Variants in EDIL3 observed in about 807,000 individuals in gnomAD.
The protein encoded by EDIL3 is EGF like and discoidin domains 3, also known as EGF-like repeat and discoidin I-like domain-containing protein 3.
In EDIL3, 37 loss-of-function variants were observed where a neutral mutation model predicts 67.4. That is an observed-to-expected ratio of 0.55 (90% CI 0.42 to 0.72). The LOEUF (loss-of-function observed/expected upper bound fraction) is 0.72, where lower values mean the gene tolerates loss of function less well. Ranked by LOEUF, EDIL3 falls within the 30% of genes least tolerant of loss-of-function variation. The probability of loss-of-function intolerance (pLI) is 0.00; values close to 1 mark genes in which losing one functional copy is unlikely to be tolerated. For synonymous variants in EDIL3, 195 were observed against 196.3 expected, an observed-to-expected ratio of 0.99 and a Z score of 0.05; for missense variants, 527 against 586.3, an observed-to-expected ratio of 0.90 and a Z score of 1.04.
chr5:84,351,913 A>G (rs1020738456), intron 1 of EDIL3, among the ~76,000 whole-genome samples: 5 of 152,078 alleles, frequency 3.3e-5, no homozygotes, highest in Non-Finnish European at 7.4e-5. Context: ...GACATCCAGA[A>G]TATATAAAGA....
At chr5:84,170,090 C>T (rs1330875371) in intron 4 of EDIL3, among the ~76,000 whole-genome samples, 2 of 152,198 alleles carry the variant, frequency 1.3e-5, no homozygotes, top group African/African-American at 4.8e-5. Context: ...TATAAGTGAG[C>T]TTCAGATCCT....
At chr5:83,944,034 A>T (rs938863435) in intron 10 of EDIL3, among the ~76,000 whole-genome samples, 1 of 151,974 alleles carries the variant, frequency 6.6e-6, no homozygotes, top group Non-Finnish European at 1.5e-5. Flanking sequence ...TGTTTAAGAG[A>T]ACAAGCATGG....
intron 7 of EDIL3, among the ~76,000 whole-genome samples, chr5:84,065,959 C>CA (rs1157337551): frequency 1.3e-5 from 2 of 151,368 alleles, no homozygotes; most frequent in Non-Finnish European, 1.5e-5. Flanking sequence ...ACTAAAAATA[C>CA]AAAAAATTAG....
rs1366102766 is a variant in EDIL3, at chr5:84,132,345, ATT to A, written c.469+4894_469+4895del. Among the ~76,000 whole-genome samples, 2 of 52,500 alleles carry A rather than the reference ATT, an allele frequency of 3.8e-5. 1 individual carries two copies. Among genetic ancestry groups the A allele is most frequent in the Non-Finnish European group, 7.4e-5 (2 of 26,994 alleles). The allele number at this position is 52,500 out of a possible 152,430, so 34.4% of individuals were successfully genotyped here. On this transcript the variant is annotated intron_variant, in intron 5 of 10. Coordinates refer to ENST00000296591, the MANE Select transcript of EDIL3 (RefSeq NM_005711.5). ...ATTTTATATAATATATATTATATAT[ATT>A]TTATACATAATATATATTATATATA...
intron 1 of EDIL3, among the ~76,000 whole-genome samples, chr5:84,308,881 C>A (rs929640006): frequency 5.3e-5 from 8 of 152,152 alleles, no homozygotes; most frequent in Admixed American, 3.3e-4. Flanking sequence ...TTTAATGCAA[C>A]CTTATGATCA....
At chr5:84,150,752 G>C (rs117983355) in intron 4 of EDIL3, among the ~76,000 whole-genome samples, 1 of 152,130 alleles carries the variant, frequency 6.6e-6, no homozygotes, top group Non-Finnish European at 1.5e-5. Flanking sequence ...TCTACCATAT[G>C]ATTCAGCCAT....
At chr5:84,300,257 C>T (rs901049231) in intron 1 of EDIL3, among the ~76,000 whole-genome samples, 1 of 152,080 alleles carries the variant, frequency 6.6e-6, no homozygotes, top group East Asian at 1.9e-4. Context: ...GACTATTCTC[C>T]CATAATCACA....
chr5:84,104,894 T>C (rs1561432806), intron 6 of EDIL3, among the ~76,000 whole-genome samples: 1 of 152,012 alleles, frequency 6.6e-6, no homozygotes, highest in Admixed American at 6.6e-5. Flanking sequence ...GAGTAAACAC[T>C]GGAAAAGCAT....
intron 5 of EDIL3, among the ~76,000 whole-genome samples, chr5:84,109,419 T>C (rs1469556941): frequency 6.6e-6 from 1 of 152,046 alleles, no homozygotes; most frequent in African/African-American, 2.4e-5. Context: ...GGCAGGAGAA[T>C]CACTTGAAGC....
intron 10 of EDIL3, among the ~76,000 whole-genome samples, chr5:83,954,209 TAAAC>T (rs1744468729): frequency 1.3e-5 from 2 of 151,846 alleles, no homozygotes; most frequent in African/African-American, 4.8e-5. Flanking sequence ...TATCATATAA[TAAAC>T]AATCAAAATA....
rs1748106182 is a variant in EDIL3, at chr5:84,137,175, G to GTGTA, written c.469+62_469+65dup. On this transcript the variant is annotated intron_variant, in intron 5 of 10. Transcript: ENST00000296591. ...TATATATGCATACATATATGTGTGT[G>GTGTA]TGTATACATACACACACACACACAC... The GTGTA allele has an allele frequency of 2.8e-6, 3 of 1,066,440 alleles. No individual in the cohort carries two copies. In the Admixed American group the frequency reaches 7.6e-5, roughly 27 times the overall value. The allele number at this position is 1,066,440 out of a possible 1,614,324, so 66.1% of individuals were successfully genotyped here. A position where few individuals can be genotyped will look rare whatever the true frequency, so the allele number is the denominator to read the frequency against.
intron 10 of EDIL3, among the ~76,000 whole-genome samples, chr5:83,950,057 T>G (rs1744391041): frequency 6.6e-6 from 1 of 151,776 alleles, no homozygotes. Context: ...GCTTCCTAGT[T>G]GGCAATACTC....
intron 1 of EDIL3, among the ~76,000 whole-genome samples, chr5:84,309,644 T>G (rs1277254718): frequency 6.6e-6 from 1 of 152,170 alleles, no homozygotes; most frequent in Non-Finnish European, 1.5e-5. Context: ...ATTTCCACTT[T>G]CATCCATGTC....
At chr5:84,094,321 T>C (rs145488475) in intron 6 of EDIL3, among the ~76,000 whole-genome samples, 1,536 of 152,216 alleles carry the variant, frequency 0.01, 29 homozygotes, top group African/African-American at 0.036. Context: ...AAAAGAAATA[T>C]ATTAATGTCC....
At chr5:83,971,330 T>C (rs950367331) in intron 9 of EDIL3, among the ~76,000 whole-genome samples, 1 of 150,806 alleles carries the variant, frequency 6.6e-6, no homozygotes, top group African/African-American at 2.4e-5. Context: ...CAAGTTAGAG[T>C]GAAGTGCATG....
At chr5:84,021,502 T>C (rs1014296181) in intron 9 of EDIL3, among the ~76,000 whole-genome samples, 2 of 152,024 alleles carry the variant, frequency 1.3e-5, no homozygotes, top group African/African-American at 4.8e-5. Flanking sequence ...TCCATGTATA[T>C]ATAGTTTCCA....
At chr5:83,988,896 C>T (rs989998371) in intron 9 of EDIL3, among the ~76,000 whole-genome samples, 1 of 152,064 alleles carries the variant, frequency 6.6e-6, no homozygotes, top group Non-Finnish European at 1.5e-5. Flanking sequence ...ATAAGGATAA[C>T]ATTTCTCAGT....
intron 3 of EDIL3, among the ~76,000 whole-genome samples, chr5:84,197,932 T>C (rs1743746605): frequency 6.6e-6 from 1 of 152,020 alleles, no homozygotes; most frequent in Admixed American, 6.6e-5. Flanking sequence ...AGCTACTTGA[T>C]GGAATTACTG....
chr5:84,085,565 G>A (rs1747054497), intron 6 of EDIL3, among the ~76,000 whole-genome samples: 1 of 152,082 alleles, frequency 6.6e-6, no homozygotes, highest in Non-Finnish European at 1.5e-5. Context: ...GTCCCAGAGG[G>A]GCACCAACCT....
Sources: allele counts gnomAD v4.1 joint callset (sites outside exome capture counted in the v4.1 genomes callset), GRCh38; gene constraint gnomAD v4.1.1; transcripts MANE v1.5; gene names NCBI Gene and HGNC (gene_info 2026-07-23, HGNC 2026-07-21).